Variants in SH2D4A observed in about 807,000 individuals in gnomAD.
SH2D4A encodes SH2 domain containing 4A.
In SH2D4A, 70 loss-of-function variants were observed where a neutral mutation model predicts 64.7. The ratio of observed to expected loss-of-function variants is 1.08; its 90% confidence interval spans 0.89 to 1.32. The LOEUF (loss-of-function observed/expected upper bound fraction) is 1.32. Ranked by LOEUF, SH2D4A falls within the 40% of genes most tolerant of loss-of-function variation. SH2D4A has a pLI of 0.00. For missense variants in SH2D4A, 706 were observed against 540.1 expected, an observed-to-expected ratio of 1.31 and a Z score of -3.04; for synonymous variants, 268 against 200.7, an observed-to-expected ratio of 1.34 and a Z score of -2.83.
chr8:19,350,002 C>T (rs1030743493), intron 4 of SH2D4A, among the ~76,000 whole-genome samples: 3 of 152,172 alleles, frequency 2.0e-5, no homozygotes, highest in Non-Finnish European at 4.4e-5. Flanking sequence ...CTGTGCCTAG[C>T]CTATTATTTT....
At chr8:19,388,023 C>T (rs1278593373) in intron 8 of SH2D4A, among the ~76,000 whole-genome samples, 1 of 150,176 alleles carries the variant, frequency 6.7e-6, no homozygotes, top group Non-Finnish European at 1.5e-5. Context: ...ATGCACTGTC[C>T]CCACATCAAG....
chr8:19,364,551 G>A lies in SH2D4A; in HGVS notation c.917+269G>A, dbSNP rs190844747. Among the ~76,000 whole-genome samples the A allele has an allele frequency of 9.8e-3, 1,483 of 152,052 alleles. 14 individuals are homozygous for A. The highest frequency in any genetic ancestry group is 0.014 in the Non-Finnish European group (920 of 67,986). ...TGTGCATGGAATGAGAGAACTTCCC[G>A]TGTCCCTACCCCACTCTCCCCTTTC... is the stretch of plus-strand genomic sequence containing the variant. On this transcript the variant is annotated intron_variant, in intron 7 of 9. Coordinates refer to ENST00000265807, the MANE Select transcript of SH2D4A (RefSeq NM_022071.4).
intron 8 of SH2D4A, among the ~76,000 whole-genome samples, chr8:19,385,978 TG>T (rs1419003798): frequency 6.6e-6 from 1 of 152,242 alleles, no homozygotes; most frequent in Admixed American, 6.5e-5. Flanking sequence ...AAAGCCTTTT[TG>T]TTCTTAAACC....
Position 19,331,315 on chromosome 8 carries a change from C to T in SH2D4A, c.182-1640C>T, listed in dbSNP as rs577844409. 5.7e-4 allele frequency among the ~76,000 whole-genome samples: 87 copies of T among 152,304 alleles called. 1 individual carries two copies. The Middle Eastern group carries it at 0.017, about 30-fold the overall frequency. On this transcript the variant is annotated intron_variant, in intron 2 of 9. Transcript: ENST00000265807. ...ACAATCCCAGTGTGGATGTTTTGCT[C>T]ATCAAACAGGGCCCAGCACACACAC... is the stretch of plus-strand genomic sequence containing the variant.
chr8:19,335,019 C>T (rs988840399), intron 4 of SH2D4A, among the ~76,000 whole-genome samples, 162 bp downstream of exon 4: 8 of 152,038 alleles, frequency 5.3e-5, no homozygotes, highest in African/African-American at 1.9e-4. Flanking sequence ...CACGGTGGCT[C>T]ATGCCTGTAA....
chr8:19,318,526 C>G (rs916737640), intron 1 of SH2D4A, among the ~76,000 whole-genome samples: 1 of 152,206 alleles, frequency 6.6e-6, no homozygotes, highest in African/African-American at 2.4e-5. Flanking sequence ...TATGGTTTCT[C>G]TTTCAAGGAG....
In SH2D4A at chr8:19,395,504, G is replaced by T. The variant is rs1237425061; in HGVS notation, c.*862G>T. The stretch of plus-strand genomic sequence containing the variant: ...GACCTTGTTTGGAAATAGGGTCTTT[G>T]CAGATATAGTCAAGATGAGGTCACA... On this transcript the variant is annotated 3_prime_UTR_variant, in exon 10 of 10. Transcript: ENST00000265807. 1.3e-5 allele frequency: 2 copies of T among 152,220 alleles called. No individual in the cohort carries two copies. Among genetic ancestry groups the T allele is most frequent in the East Asian group, 3.9e-4 (2 of 5,192 alleles). 9.4% of individuals were successfully genotyped at this position (152,220 alleles called of 1,614,324 possible). A position where few individuals can be genotyped will look rare whatever the true frequency, so the allele number is the denominator to read the frequency against.
intron 1 of SH2D4A, 177 bp downstream of exon 1, chr8:19,314,000 C>T: frequency 8.4e-7 from 1 of 1,190,332 alleles, no homozygotes. Context: ...GGCTCAGGTG[C>T]GGGGTTGGGC....
At chr8:19,384,832 C>T (rs1404191150) in intron 8 of SH2D4A, among the ~76,000 whole-genome samples, 6 of 152,206 alleles carry the variant, frequency 3.9e-5, no homozygotes, top group Non-Finnish European at 7.3e-5. Flanking sequence ...TTTCCTACTT[C>T]TGCTAAAAAT....
At chr8:19,353,683 T>G (rs932314268) in intron 4 of SH2D4A, among the ~76,000 whole-genome samples, 2 of 146,432 alleles carry the variant, frequency 1.4e-5, no homozygotes, top group East Asian at 2.0e-4. Flanking sequence ...TGTTTTTTTT[T>G]TTTTTTTTTT....
intron 2 of SH2D4A, among the ~76,000 whole-genome samples, chr8:19,326,678 A>T (rs901820266): frequency 2.1e-5 from 3 of 143,180 alleles, no homozygotes; most frequent in Admixed American, 6.8e-5. Flanking sequence ...GTGTGTGTGT[A>T]GTGTGTGTGA....
intron 2 of SH2D4A, among the ~76,000 whole-genome samples, chr8:19,322,305 C>CATCT (rs1294791950): frequency 1.3e-5 from 2 of 152,166 alleles, no homozygotes; most frequent in African/African-American, 4.8e-5. Context: ...GTCACTCGTG[C>CATCT]ATCTGATCCC....
intron 8 of SH2D4A, among the ~76,000 whole-genome samples, chr8:19,390,004 G>T (rs1020371683): frequency 1.3e-5 from 2 of 152,178 alleles, no homozygotes; most frequent in African/African-American, 2.4e-5. Flanking sequence ...TAGCCTTTAG[G>T]GGCTGGGATG....
chr8:19,329,149 G>T (rs79088667), intron 2 of SH2D4A, among the ~76,000 whole-genome samples: 4 of 152,042 alleles, frequency 2.6e-5, no homozygotes, highest in Non-Finnish European at 5.9e-5. Flanking sequence ...TGCATCCAGC[G>T]TCAAACACAC....
intron 8 of SH2D4A, among the ~76,000 whole-genome samples, chr8:19,389,456 C>G (rs1012029811): frequency 6.6e-6 from 1 of 152,172 alleles, no homozygotes; most frequent in Non-Finnish European, 1.5e-5. Context: ...TTATCACACA[C>G]AGAGAGGAGT....
At chr8:19,332,792 A>G (rs2052384098) in intron 2 of SH2D4A, among the ~76,000 whole-genome samples, 163 bp from the exon 3 acceptor site, 1 of 151,698 alleles carries the variant, frequency 6.6e-6, no homozygotes, top group African/African-American at 2.4e-5. Context: ...CACCACTGCC[A>G]TTGCTACCTA....
chr8:19,356,319 C>T (rs1219170767), intron 4 of SH2D4A, among the ~76,000 whole-genome samples: 2 of 152,210 alleles, frequency 1.3e-5, no homozygotes, highest in Admixed American at 6.5e-5. Flanking sequence ...CCTCTGTACT[C>T]CTTCTGAATG....
chr8:19,359,132 T>G (rs772376650), intron 5 of SH2D4A, among the ~76,000 whole-genome samples: 32 of 152,222 alleles, frequency 2.1e-4, no homozygotes, highest in Admixed American at 7.9e-4. Context: ...GACAAGTTCC[T>G]TACGTTTTCT....
At chr8:19,377,282 T>C (rs1411417586) in intron 8 of SH2D4A, among the ~76,000 whole-genome samples, 1 of 152,214 alleles carries the variant, frequency 6.6e-6, no homozygotes, top group Non-Finnish European at 1.5e-5. Flanking sequence ...CTTGGGAGGC[T>C]GAGGCAGGAG....
Sources: allele counts gnomAD v4.1 joint callset (sites outside exome capture counted in the v4.1 genomes callset), GRCh38; gene constraint gnomAD v4.1.1; transcripts MANE v1.5; gene names NCBI Gene and HGNC (gene_info 2026-07-23, HGNC 2026-07-21).